Variants in MS4A8 observed in about 807,000 individuals in gnomAD.
MS4A8 encodes membrane-spanning 4-domains subfamily A member 8.
MS4A8 carries 27 observed loss-of-function variants against 23.7 expected under a neutral mutation model. That is an observed-to-expected ratio of 1.14 (90% CI 0.84 to 1.57). MS4A8 has a LOEUF of 1.57. Ranked by LOEUF, MS4A8 falls within the 40% of genes most tolerant of loss-of-function variation. MS4A8 has a pLI of 0.00. For missense variants in MS4A8, 301 were observed against 311.4 expected (o/e 0.97, Z 0.25); for synonymous variants, 138 against 126.3 (o/e 1.09, Z -0.62).
chr11:60,713,398 T>C (rs1288624618), intron 5 of MS4A8, among the ~76,000 whole-genome samples: 7 of 151,692 alleles, frequency 4.6e-5, no homozygotes, highest in Non-Finnish European at 7.3e-5. Flanking sequence ...AATAGGATAA[T>C]AGTGGAGAGA....
At chr11:60,707,091 A>T (rs1037636449) in intron 4 of MS4A8, 44 bp downstream of exon 4, 24 of 1,559,966 alleles carry the variant, frequency 1.5e-5, no homozygotes, top group Non-Finnish European at 2.1e-5. Flanking sequence ...GGAGACCTAT[A>T]GAATGGTGTC....
intron 5 of MS4A8, among the ~76,000 whole-genome samples, chr11:60,714,430 C>G (rs948719277): frequency 6.6e-6 from 1 of 152,148 alleles, no homozygotes; most frequent in African/African-American, 2.4e-5. Context: ...ATGTCTACTT[C>G]CTTCTACACA....
chr11:60,703,944 G>A (rs959855087), intron 3 of MS4A8, among the ~76,000 whole-genome samples: 3 of 151,848 alleles, frequency 2.0e-5, no homozygotes, highest in East Asian at 1.9e-4. Context: ...CCTGAATGAC[G>A]GTTTTAACAA....
At chr11:60,710,667 T>A (rs1162614956) in intron 5 of MS4A8, among the ~76,000 whole-genome samples, 1 of 152,012 alleles carries the variant, frequency 6.6e-6, no homozygotes, top group Admixed American at 6.5e-5. Flanking sequence ...ACCAGAGGGA[T>A]CCTTTGGAAA....
At chr11:60,714,980 C>T (rs746224323) in intron 5 of MS4A8, 41 bp from the exon 6 acceptor site, 5 of 1,437,710 alleles carry the variant, frequency 3.5e-6, no homozygotes, top group Admixed American at 1.7e-5. Flanking sequence ...TTCGGACTCC[C>T]AGTCCCGTGC....
intron 2 of MS4A8, among the ~76,000 whole-genome samples, chr11:60,702,086 T>C (rs1258357957): frequency 6.6e-6 from 1 of 152,244 alleles, no homozygotes; most frequent in Non-Finnish European, 1.5e-5. Context: ...CATACACAGA[T>C]GTTCTTTCAT....
intron 5 of MS4A8, among the ~76,000 whole-genome samples, chr11:60,711,378 T>G (rs2088299099): frequency 1.3e-5 from 2 of 152,240 alleles, no homozygotes; most frequent in African/African-American, 4.8e-5. Flanking sequence ...TCCCTAGAGA[T>G]CCTATGGACC....
intron 3 of MS4A8, among the ~76,000 whole-genome samples, chr11:60,705,785 A>T (rs934109885): frequency 2.0e-5 from 3 of 152,242 alleles, no homozygotes; most frequent in African/African-American, 7.2e-5. Flanking sequence ...GGTTAGGAAC[A>T]TGGAGTCTGA....
chr11:60,712,791 C>CAA (rs759866312), intron 5 of MS4A8, among the ~76,000 whole-genome samples: 6 of 135,790 alleles, frequency 4.4e-5, no homozygotes, highest in South Asian at 2.4e-4. Context: ...CACTCTGTCT[C>CAA]AAAAAAAAAA....
intron 3 of MS4A8, among the ~76,000 whole-genome samples, chr11:60,704,026 G>A (rs926630499): frequency 6.6e-6 from 1 of 152,018 alleles, no homozygotes; most frequent in Admixed American, 6.6e-5. Flanking sequence ...TTTGGTGGGG[G>A]ATAGAGGGTG....
rs1423504609 is a variant in MS4A8, at chr11:60,700,971, A to C, written c.111A>C (p.Pro37=). The part of the protein sequence containing the change: ...PGIMSHVPLY[P]NSQPQVHLVP... ...TTATGTCTCACGTGCCCCTGTATCCAAACAGCCAGCCGCAAGTCCACCTAG... is the reference window on the plus strand; with the variant it reads ...TTATGTCTCACGTGCCCCTGTATCCCAACAGCCAGCCGCAAGTCCACCTAG... The change falls in exon 2 of 7, where the codon CCA becomes CCC. Residue 37 remains proline (P), a synonymous_variant. Coordinates refer to ENST00000300226, the MANE Select transcript of MS4A8 (RefSeq NM_031457.2). 2 of 1,614,208 alleles carry C rather than the reference A, an allele frequency of 1.2e-6. No individual in the cohort carries two copies.
chr11:60,703,342 C>A, intron 2 of MS4A8, 36 bp from the exon 3 acceptor site: 1 of 1,500,478 alleles, frequency 6.7e-7, no homozygotes, highest in South Asian at 1.3e-5. Flanking sequence ...GACCCAGCCT[C>A]AGAAACAAGA....
At chr11:60,705,109 C>A (rs768085799) in intron 3 of MS4A8, among the ~76,000 whole-genome samples, 2 of 152,232 alleles carry the variant, frequency 1.3e-5, no homozygotes, top group Non-Finnish European at 1.5e-5. Context: ...CCATCCCCGA[C>A]AGCCACACAA....
intron 3 of MS4A8, among the ~76,000 whole-genome samples, chr11:60,705,987 A>G (rs991054742): frequency 6.6e-6 from 1 of 152,204 alleles, no homozygotes; most frequent in African/African-American, 2.4e-5. Context: ...GCGAGGTTGA[A>G]CAAGTACTTC....
intron 5 of MS4A8, among the ~76,000 whole-genome samples, chr11:60,711,534 C>T (rs2088300320): frequency 6.6e-6 from 1 of 152,154 alleles, no homozygotes; most frequent in Non-Finnish European, 1.5e-5. Context: ...TCACTGTGCC[C>T]TACAGTTCAC....
intron 5 of MS4A8, 178 bp downstream of exon 5, chr11:60,708,959 C>T (rs1177913023): frequency 7.7e-6 from 5 of 645,504 alleles, no homozygotes; most frequent in Non-Finnish European, 1.3e-5. Context: ...CATGACCTTT[C>T]CCAGTTTGGG....
At chr11:60,700,663 C>T (rs1422623785) in intron 1 of MS4A8, among the ~76,000 whole-genome samples, 197 bp from the exon 2 acceptor site, 3 of 152,194 alleles carry the variant, frequency 2.0e-5, no homozygotes, top group East Asian at 1.9e-4. Flanking sequence ...TAAAACTGGG[C>T]GGGTGAGAGG....
chr11:60,712,755 G>T (rs1316891585), intron 5 of MS4A8, among the ~76,000 whole-genome samples: 1 of 151,326 alleles, frequency 6.6e-6, no homozygotes, highest in African/African-American at 2.4e-5. Flanking sequence ...TCATGCCACT[G>T]CTCTCCAACC....
chr11:60,705,445 C>T (rs2088247652), intron 3 of MS4A8, among the ~76,000 whole-genome samples: 1 of 152,264 alleles, frequency 6.6e-6, no homozygotes, highest in South Asian at 2.1e-4. Context: ...TCCTTTTGCT[C>T]TGCAGGGCAG....
Sources: allele counts gnomAD v4.1 joint callset (sites outside exome capture counted in the v4.1 genomes callset), GRCh38; gene constraint gnomAD v4.1.1; transcripts MANE v1.5; gene names NCBI Gene and HGNC (gene_info 2026-07-23, HGNC 2026-07-21).